The following GRID1 variants were observed in gnomAD, a reference collection of about 807,000 sequenced individuals.
GRID1 encodes the protein glutamate ionotropic receptor delta type subunit 1, also known as glutamate receptor ionotropic, delta-1.
Under a neutral mutation model 98.0 loss-of-function variants are expected in GRID1, and 28 were observed. The observed-to-expected ratio is 0.29, with a 90% confidence interval of 0.21 to 0.39. GRID1 has a LOEUF of 0.39. Among genes scored for constraint, GRID1 ranks in the 10% least tolerant of loss-of-function variants. The probability of loss-of-function intolerance (pLI) is 1.00; values close to 1 mark genes in which losing one functional copy is unlikely to be tolerated. For missense variants in GRID1, 1,111 were observed against 1,340.5 expected (o/e 0.83, Z 2.67); for synonymous variants, 553 against 538.5 (o/e 1.03, Z -0.37).
At chr10:85,625,410 T>C (rs1351988098) in intron 13 of GRID1, among the ~76,000 whole-genome samples, 1 of 152,230 alleles carries the variant, frequency 6.6e-6, no homozygotes, top group Non-Finnish European at 1.5e-5. Flanking sequence ...GGCCTACTTC[T>C]AAACATTTTA....
At chr10:85,901,241 T>TTATG in intron 5 of GRID1, among the ~76,000 whole-genome samples, 1 of 150,904 alleles carries the variant, frequency 6.6e-6, no homozygotes, top group African/African-American at 2.4e-5. Flanking sequence ...ATTTATTTAT[T>TTATG]TATTTATTTA....
intron 2 of GRID1, among the ~76,000 whole-genome samples, chr10:86,275,949 A>G (rs1465371969): frequency 6.6e-6 from 1 of 152,194 alleles, no homozygotes; most frequent in Non-Finnish European, 1.5e-5. Flanking sequence ...AGTAAGATAA[A>G]CTCAGAGACC....
At chr10:86,094,814 G>A (rs571206498) in intron 4 of GRID1, among the ~76,000 whole-genome samples, 5 of 149,868 alleles carry the variant, frequency 3.3e-5, no homozygotes, top group Non-Finnish European at 5.9e-5. Context: ...TACCGCCATC[G>A]TTCTTCACAG....
At chr10:86,301,462 C>T (rs566653764) in intron 2 of GRID1, among the ~76,000 whole-genome samples, 1 of 152,374 alleles carries the variant, frequency 6.6e-6, no homozygotes, top group East Asian at 1.9e-4. Context: ...AGCCTGCACA[C>T]ATGTGCTTTT....
At chr10:86,341,099 G>A (rs1464751270) in intron 2 of GRID1, among the ~76,000 whole-genome samples, 2 of 152,150 alleles carry the variant, frequency 1.3e-5, no homozygotes, top group Non-Finnish European at 2.9e-5. Context: ...CTGGGCACTT[G>A]TCCTTTGGCC....
At chr10:86,324,412 G>C (rs1008284079) in intron 2 of GRID1, among the ~76,000 whole-genome samples, 4 of 152,146 alleles carry the variant, frequency 2.6e-5, no homozygotes, top group Admixed American at 1.3e-4. Flanking sequence ...TGAACCCTTA[G>C]TGGATGGCTC....
chr10:85,737,589 G>C (rs866471653), intron 8 of GRID1, among the ~76,000 whole-genome samples: 3 of 146,022 alleles, frequency 2.1e-5, no homozygotes, highest in African/African-American at 7.6e-5. Flanking sequence ...TTCCACTTCT[G>C]CTTAAGATAT....
At chr10:85,641,895 A>G (rs1843125844) in intron 13 of GRID1, among the ~76,000 whole-genome samples, 1 of 152,154 alleles carries the variant, frequency 6.6e-6, no homozygotes, top group African/African-American at 2.4e-5. Context: ...TGGATGATGC[A>G]CTACTAGAGG....
In GRID1 at chr10:85,600,780, G is replaced by A. The variant is rs189407731; in HGVS notation, c.*1493C>T. 6.6e-6 allele frequency: 1 copy of A among 152,278 alleles called. No homozygotes were observed. The highest frequency in any genetic ancestry group is 2.4e-5 in the African/African-American group (1 of 41,454). The allele number at this position is 152,278 out of a possible 1,614,324, so 9.4% of individuals were successfully genotyped here. Reference sequence around the variant, plus strand: ...TCAGAAAGGGCAACTGAAGGAGGGGGCGCTGTTAGGTGGTCCTAGGCTTAG... The same window carrying A: ...TCAGAAAGGGCAACTGAAGGAGGGGACGCTGTTAGGTGGTCCTAGGCTTAG... On this transcript the variant is annotated 3_prime_UTR_variant, in exon 16 of 16. Coordinates refer to ENST00000327946, the MANE Select transcript of GRID1 (RefSeq NM_017551.3).
chr10:86,076,684 C>A (rs975443347), intron 4 of GRID1, among the ~76,000 whole-genome samples: 2 of 152,144 alleles, frequency 1.3e-5, no homozygotes, highest in Admixed American at 6.5e-5. Flanking sequence ...GCATTTTGGG[C>A]CATTCAGTCC....
At chr10:86,323,217 G>A (rs1589449219) in intron 2 of GRID1, among the ~76,000 whole-genome samples, 1 of 152,218 alleles carries the variant, frequency 6.6e-6, no homozygotes, top group Non-Finnish European at 1.5e-5. Context: ...CTCGAGAGCC[G>A]GGGTGGCCTC....
chr10:86,110,759 A>G (rs1223440006), intron 4 of GRID1, among the ~76,000 whole-genome samples: 1 of 152,190 alleles, frequency 6.6e-6, no homozygotes, highest in Non-Finnish European at 1.5e-5. Flanking sequence ...ACCCCAGAAG[A>G]CCCTCAGGTT....
At chr10:86,015,628 C>A (rs1842971180) in intron 4 of GRID1, among the ~76,000 whole-genome samples, 1 of 152,206 alleles carries the variant, frequency 6.6e-6, no homozygotes. Flanking sequence ...TACTGCTCAG[C>A]CCTACTGTGG....
At chr10:86,094,087 A>G (rs759145654) in intron 4 of GRID1, among the ~76,000 whole-genome samples, 1 of 152,252 alleles carries the variant, frequency 6.6e-6, no homozygotes, top group Non-Finnish European at 1.5e-5. Context: ...AGAATTAAAT[A>G]TAAAAATCAC....
intron 3 of GRID1, among the ~76,000 whole-genome samples, chr10:86,150,138 G>A (rs1355025395): frequency 6.6e-6 from 1 of 152,198 alleles, no homozygotes; most frequent in Non-Finnish European, 1.5e-5. Flanking sequence ...TTTTCAGGAT[G>A]AGGAATTGGC....
intron 4 of GRID1, among the ~76,000 whole-genome samples, chr10:86,031,794 T>C (rs1291772046): frequency 6.6e-6 from 1 of 152,208 alleles, no homozygotes; most frequent in East Asian, 1.9e-4. Context: ...ACTTTTGTAA[T>C]TTCTTTACAA....
At chr10:86,181,079 CCA>C (rs1302109819) in intron 3 of GRID1, among the ~76,000 whole-genome samples, 1 of 152,144 alleles carries the variant, frequency 6.6e-6, no homozygotes, top group Non-Finnish European at 1.5e-5. Context: ...GCTGTACAAG[CCA>C]CACACACCCC....
At chr10:86,239,674 C>A (rs973397501) in intron 2 of GRID1, among the ~76,000 whole-genome samples, 1 of 152,152 alleles carries the variant, frequency 6.6e-6, no homozygotes, top group Non-Finnish European at 1.5e-5. Context: ...TGTTTAAAAG[C>A]AAGTAGCACC....
At chr10:85,940,435 C>A (rs1841984333) in intron 4 of GRID1, among the ~76,000 whole-genome samples, 1 of 152,154 alleles carries the variant, frequency 6.6e-6, no homozygotes, top group Non-Finnish European at 1.5e-5. Context: ...GAGCTGCTGG[C>A]AACCCTCTCC....
Sources: allele counts gnomAD v4.1 joint callset (sites outside exome capture counted in the v4.1 genomes callset), GRCh38; gene constraint gnomAD v4.1.1; transcripts MANE v1.5; gene names NCBI Gene and HGNC (gene_info 2026-07-23, HGNC 2026-07-21).